Variants in PRELID1 observed in about 807,000 individuals in gnomAD.
PRELID1 encodes the protein PRELI domain-containing protein 1, mitochondrial.
In PRELID1, 15 loss-of-function variants were observed where a neutral mutation model predicts 29.0. That is an observed-to-expected ratio of 0.52 (90% CI 0.35 to 0.80). The LOEUF (loss-of-function observed/expected upper bound fraction) is 0.80. Among genes scored for constraint, PRELID1 ranks in the 30% least tolerant of loss-of-function variants. The pLI, the probability that PRELID1 is intolerant of heterozygous loss-of-function variation, is 0.01. For missense variants in PRELID1, 187 were observed against 275.9 expected, an observed-to-expected ratio of 0.68 and a Z score of 2.28; for synonymous variants, 79 against 106.5, an observed-to-expected ratio of 0.74 and a Z score of 1.59.
Position 177,306,687 on chromosome 5 carries a change from G to A in PRELID1, c.*117G>A. 1.4e-6 allele frequency: 2 copies of A among 1,425,074 alleles called. No homozygotes were observed. The highest frequency in any genetic ancestry group is 2.5e-5 in the East Asian group (1 of 40,158). 88.3% of individuals were successfully genotyped at this position (1,425,074 alleles called of 1,614,324 possible). A position where few individuals can be genotyped will look rare whatever the true frequency, so the allele number is the denominator to read the frequency against. On this transcript the variant is annotated 3_prime_UTR_variant, in exon 5 of 5. Transcript: ENST00000303204. ...GCCCTGTCTGCTGTCTACGTGGTGG[G>A]TTGTGGGGATGCAGTTTGGCATCTG...
chr5:177,306,686 G>C lies in PRELID1; in HGVS notation c.*116G>C. On this transcript the variant is annotated 3_prime_UTR_variant, in exon 5 of 5. Transcript: ENST00000303204. ...AGCCCTGTCTGCTGTCTACGTGGTG[G>C]GTTGTGGGGATGCAGTTTGGCATCT... 1 of 1,429,882 alleles carries C rather than the reference G, an allele frequency of 7.0e-7. No homozygotes were observed. Among genetic ancestry groups the C allele is most frequent in the Non-Finnish European group, 9.4e-7 (1 of 1,064,076 alleles). 88.6% of individuals were successfully genotyped at this position (1,429,882 alleles called of 1,614,324 possible).
Position 177,303,865 on chromosome 5 carries a change from A to G in PRELID1, c.-121A>G, listed in dbSNP as rs930870027. ...GCTGCTTGGGCGCGGTGCGGTGGTG[A>G]CTGAGCTACGAGCCTGGCGGCGGGT... On this transcript the variant is annotated 5_prime_UTR_variant, in exon 1 of 5. Transcript: ENST00000303204. The surrounding 1 kb of genome is among the most constrained non-coding windows in gnomAD (Gnocchi z 6.1). 6 of 776,152 alleles carry G rather than the reference A, an allele frequency of 7.7e-6. No individual in the cohort carries two copies. Among genetic ancestry groups the G allele is most frequent in the Admixed American group, 3.0e-5 (1 of 33,786 alleles). 48.1% of individuals were successfully genotyped at this position (776,152 alleles called of 1,614,324 possible).
At position 177,304,750 on chromosome 5, in the gene PRELID1, A is replaced by G. The variant is rs773340739; in HGVS notation, c.218A>G (p.Asn73Ser). The G allele has an allele frequency of 2.5e-5, 40 of 1,613,784 alleles. No homozygotes were observed. Among genetic ancestry groups the G allele is most frequent in the South Asian group, 6.6e-5 (6 of 91,066 alleles). ...PRWAERLFPA[N>S]VAHSVYVLED... Reference sequence around the variant, plus strand: ...TGGGCCGAGCGACTATTTCCTGCCAATGTTGCTCACTCGGTGTACGTCCTG... The same window carrying G: ...TGGGCCGAGCGACTATTTCCTGCCAGTGTTGCTCACTCGGTGTACGTCCTG... The change falls in exon 2 of 5, where the codon AAT becomes AGT. Residue 73 changes from asparagine (N) to serine (S), a missense_variant. By Grantham distance (46) the Asn-to-Ser change is conservative. Coordinates refer to ENST00000303204, the MANE Select transcript of PRELID1 (RefSeq NM_013237.4).
Position 177,306,928 on chromosome 5 carries a change from CAAT to C in PRELID1, c.*361_*363del, listed in dbSNP as rs1760894559. ...CAGTATCTAGCACATAATAGACACT[CAAT>C]AAATACTTGTTGAATTCAGTTGGCC... On this transcript the variant is annotated 3_prime_UTR_variant, in exon 5 of 5. Coordinates refer to ENST00000303204, the MANE Select transcript of PRELID1 (RefSeq NM_013237.4). The C allele has an allele frequency of 1.2e-6, 1 of 844,488 alleles. No individual in the cohort carries two copies. The highest frequency in any genetic ancestry group is 2.7e-5 in the East Asian group (1 of 37,236). 52.3% of individuals were successfully genotyped at this position (844,488 alleles called of 1,614,324 possible).
chr5:177,305,413 G>T (rs1760838236), intron 2 of PRELID1: 4 of 199,768 alleles, frequency 2.0e-5, no homozygotes, highest in Non-Finnish European at 4.2e-5. Flanking sequence ...TACCATGTTG[G>T]CCAGGCTGGT....
chr5:177,305,977 C>G lies in PRELID1; in HGVS notation c.425C>G (p.Ala142Gly). ...VSSSLFGVSR[A>G]VQEFGLARFK... The stretch of plus-strand genomic sequence containing the variant: ...TCTAGCTTATTTGGTGTCTCCAGAG[C>G]TGTCCAGGTGAGCAGTGTTGTTGGG... The change falls in exon 3 of 5, where the codon GCT becomes GGT. Residue 142 changes from alanine to glycine, a missense_variant. Physicochemically the swap from Ala to Gly is moderately conservative, Grantham distance 60 (BLOSUM62 0). Coordinates refer to ENST00000303204, the MANE Select transcript of PRELID1 (RefSeq NM_013237.4). The G allele has an allele frequency of 6.2e-7, 1 of 1,613,802 alleles. No individual in the cohort carries two copies. The highest frequency in any genetic ancestry group is 8.5e-7 in the Non-Finnish European group (1 of 1,179,680).
chr5:177,304,240 T>C (rs888194023), intron 1 of PRELID1, 163 bp downstream of exon 1: 6 of 688,498 alleles, frequency 8.7e-6, no homozygotes, highest in African/African-American at 5.4e-5. Context: ...TGAAGGGAGG[T>C]TGGGCCTGGG....
Position 177,303,957 on chromosome 5 carries a change from C to T in PRELID1, c.-29C>T, listed in dbSNP as rs756150921. 1.1e-5 allele frequency: 18 copies of T among 1,595,330 alleles called. No individual in the cohort carries two copies. In the East Asian group the frequency reaches 2.7e-4, roughly 24 times the overall value. ...CAGGCTCCGCACCCCTGATGCTGCG[C>T]GGGTGCTGAGCCCGCTTCGGCCGGG... On this transcript the variant is annotated 5_prime_UTR_variant, in exon 1 of 5. Coordinates refer to ENST00000303204, the MANE Select transcript of PRELID1 (RefSeq NM_013237.4). This position sits in a 1 kb window ranked among gnomAD's most constrained non-coding sequence, Gnocchi z 6.1.
chr5:177,303,815 C>CATGGCG lies in PRELID1; in HGVS notation c.-170_-165dup, dbSNP rs1760778863. 2.2e-6 allele frequency: 1 copy of CATGGCG among 463,422 alleles called. No individual in the cohort carries two copies. The highest frequency in any genetic ancestry group is 3.6e-6 in the Non-Finnish European group (1 of 276,884). 28.7% of individuals were successfully genotyped at this position (463,422 alleles called of 1,614,324 possible). A position where few individuals can be genotyped will look rare whatever the true frequency, so the allele number is the denominator to read the frequency against. ...GGAAGTGGCGCGCGGCCGGACAACT[C>CATGGCG]ATGGCGGCGGCGGCGGCGGCGGCAG... On this transcript the variant is annotated 5_prime_UTR_variant, in exon 1 of 5. The change creates a new upstream start codon in the 5' untranslated region. Transcript: ENST00000303204. This position sits in a 1 kb window ranked among gnomAD's most constrained non-coding sequence, Gnocchi z 6.1.
In PRELID1 at chr5:177,306,704, T is replaced by A. The variant is rs1760887502; in HGVS notation, c.*134T>A. On this transcript the variant is annotated 3_prime_UTR_variant, in exon 5 of 5. Transcript: ENST00000303204. ...CGTGGTGGGTTGTGGGGATGCAGTT[T>A]GGCATCTGCAGTACACCAAGCACAT... The A allele has an allele frequency of 3.8e-6, 5 of 1,315,850 alleles. No homozygotes were observed. The highest frequency in any genetic ancestry group is 1.4e-5 in the South Asian group (1 of 71,508). The allele number at this position is 1,315,850 out of a possible 1,614,324, so 81.5% of individuals were successfully genotyped here. A position where few individuals can be genotyped will look rare whatever the true frequency, so the allele number is the denominator to read the frequency against.
intron 1 of PRELID1, 45 bp downstream of exon 1, chr5:177,304,122 G>A: frequency 6.5e-7 from 1 of 1,548,042 alleles, no homozygotes; most frequent in South Asian, 1.1e-5. Context: ...CTCGCTATCT[G>A]GAGATCGAAT....
intron 3 of PRELID1, 25 bp downstream of exon 3, chr5:177,306,009 G>A (rs774550689): frequency 6.3e-5 from 101 of 1,607,470 alleles, no homozygotes; most frequent in Non-Finnish European, 7.9e-5. Flanking sequence ...TGGGGCTGCT[G>A]GGGCTCTGGG....
At position 177,306,563 on chromosome 5, in the gene PRELID1, T is replaced by G. The variant is rs141608165; in HGVS notation, c.653T>G (p.Phe218Cys). The change falls in exon 5 of 5, where the codon TTT (phenylalanine) becomes TGT (cysteine). Residue 218 changes from phenylalanine (F) to cysteine (C), a missense_variant. By Grantham distance (205) the Phe-to-Cys change is radical. Coordinates refer to ENST00000303204, the MANE Select transcript of PRELID1 (RefSeq NM_013237.4). ...ATKKQQQQQQ[F>C]V ...AAGAAGCAGCAGCAGCAGCAACAGT[T>G]TGTGTAGCCAGTCTACCACCACCAC... 693 of 1,608,046 alleles carry G rather than the reference T, an allele frequency of 4.3e-4. No homozygotes were observed. The highest frequency in any genetic ancestry group is 5.5e-4 in the Non-Finnish European group (653 of 1,177,976).
In PRELID1 at chr5:177,303,826, C is replaced by T. The variant is rs549111620; in HGVS notation, c.-160C>T. Reference sequence around the variant, plus strand: ...GCGGCCGGACAACTCATGGCGGCGGCGGCGGCGGCGGCAGCTGCTTGGGCG... The same window carrying T: ...GCGGCCGGACAACTCATGGCGGCGGTGGCGGCGGCGGCAGCTGCTTGGGCG... On this transcript the variant is annotated 5_prime_UTR_variant, in exon 1 of 5. Coordinates refer to ENST00000303204, the MANE Select transcript of PRELID1 (RefSeq NM_013237.4). This position sits in a 1 kb window ranked among gnomAD's most constrained non-coding sequence, Gnocchi z 6.1. The T allele has an allele frequency of 1.3e-5, 6 of 478,212 alleles. No homozygotes were observed. In the South Asian group the frequency reaches 1.4e-4, roughly 11 times the overall value. 29.6% of individuals were successfully genotyped at this position (478,212 alleles called of 1,614,324 possible). A position where few individuals can be genotyped will look rare whatever the true frequency, so the allele number is the denominator to read the frequency against.
chr5:177,304,011 G>A lies in PRELID1; in HGVS notation c.26G>A (p.Ser9Asn). MVKYFLGQ[S>N]VLRSSWDQVF... ...ATGGTGAAGTATTTCCTGGGCCAGA[G>A]CGTGCTCCGGAGTTCCTGGGACCAA... Residue 9 changes from serine (S) to asparagine (N), a missense_variant, in exon 1 of 5, where the codon AGC becomes AAC. Transcript: ENST00000303204. 1 of 1,611,770 alleles carries A rather than the reference G, an allele frequency of 6.2e-7. No individual in the cohort carries two copies. Among genetic ancestry groups the A allele is most frequent in the Non-Finnish European group, 8.5e-7 (1 of 1,179,944 alleles).
rs1427780778 is a variant in PRELID1 at position 177,305,875 on chromosome 5, T to A, written c.323T>A (p.Val108Glu). Reference protein sequence around the residue: ...WNINHARLMVVEERCVYCVNS... With the variant: ...WNINHARLMVEEERCVYCVNS... ...TTGTGGTTGGCCTCTGCATAGGTGG[T>A]GGAGGAACGATGTGTTTACTGTGTG... Residue 108 changes from valine (V) to glutamate (E), a missense_variant, in exon 3 of 5, where the codon GTG becomes GAG. Physicochemically the swap from Val to Glu is moderately radical, Grantham distance 121 (BLOSUM62 -2). Coordinates refer to ENST00000303204, the MANE Select transcript of PRELID1 (RefSeq NM_013237.4). 6.2e-7 allele frequency: 1 copy of A among 1,613,444 alleles called. No individual in the cohort carries two copies. Among genetic ancestry groups the A allele is most frequent in the African/African-American group, 1.3e-5 (1 of 74,862 alleles).
At chr5:177,304,235 G>A in intron 1 of PRELID1, 158 bp downstream of exon 1, 2 of 710,150 alleles carry the variant, frequency 2.8e-6, no homozygotes, top group South Asian at 3.6e-5. Flanking sequence ...GGTCCTGAAG[G>A]GAGGTTGGGC....
chr5:177,304,115 G>T, intron 1 of PRELID1, 38 bp downstream of exon 1: 1 of 1,563,066 alleles, frequency 6.4e-7, no homozygotes. Context: ...GCGCCATCTC[G>T]CTATCTGGAG....
At chr5:177,305,850 T>C (rs770899546) in intron 2 of PRELID1, 21 bp from the exon 3 acceptor site, 2 of 1,597,384 alleles carry the variant, frequency 1.3e-6, no homozygotes, top group Non-Finnish European at 1.7e-6. Context: ...TGTTCCACGA[T>C]TGTGGTTGGC....
Sources: gnomAD v4.1 joint callset for allele counts on GRCh38, gnomAD v4.1.1 for gene constraint, Gnocchi (gnomAD v3.1) non-coding constraint, MANE v1.5 for transcripts, NCBI Gene and HGNC (gene_info 2026-07-23, HGNC 2026-07-21) for gene names.